Variants in TYW1B observed in about 807,000 individuals in gnomAD.
The protein encoded by TYW1B is tRNA-yW synthesizing protein 1 homolog B.
A neutral mutation model predicts 86.9 loss-of-function variants in TYW1B; 73 were observed. The ratio of observed to expected loss-of-function variants is 0.84; its 90% CI spans 0.70 to 1.02. The LOEUF (loss-of-function observed/expected upper bound fraction) is 1.02. Among genes scored for constraint, TYW1B ranks in the 50% least tolerant of loss-of-function variants. TYW1B has a pLI of 0.00. For synonymous variants in TYW1B, 248 were observed against 292.8 expected (o/e 0.85, Z 1.56); for missense variants, 637 against 827.4 (o/e 0.77, Z 2.82).
At chr7:72,578,022 C>A (rs1811065669) in intron 13 of TYW1B, among the ~76,000 whole-genome samples, 1 of 152,178 alleles carries the variant, frequency 6.6e-6, no homozygotes, top group Admixed American at 6.5e-5. Flanking sequence ...CTGCATTCCA[C>A]CCCACCAAGC....
intron 6 of TYW1B, among the ~76,000 whole-genome samples, chr7:72,794,784 T>C (rs1788278303): frequency 6.6e-6 from 1 of 151,050 alleles, no homozygotes; most frequent in African/African-American, 2.4e-5. Context: ...AAGACCTCTA[T>C]GACAGCAGTG....
chr7:72,721,730 C>G (rs2129570879), intron 9 of TYW1B, among the ~76,000 whole-genome samples: 2 of 152,220 alleles, frequency 1.3e-5, no homozygotes, highest in Middle Eastern at 6.8e-3. Flanking sequence ...CAACTAAACT[C>G]TGCTTTGTTA....
chr7:72,652,610 T>A (rs1813091689), intron 11 of TYW1B, among the ~76,000 whole-genome samples: 1 of 152,112 alleles, frequency 6.6e-6, no homozygotes, highest in South Asian at 2.1e-4. Context: ...TTTGGAGTGC[T>A]AGTTATACTG....
chr7:72,612,288 CA>C (rs1228989819), intron 13 of TYW1B, among the ~76,000 whole-genome samples: 5 of 151,784 alleles, frequency 3.3e-5, no homozygotes, highest in African/African-American at 1.2e-4. Context: ...CCCACTGGGA[CA>C]AAAAGTAGAA....
chr7:72,727,400 A>T (rs1478433619), intron 9 of TYW1B, among the ~76,000 whole-genome samples: 1 of 152,234 alleles, frequency 6.6e-6, no homozygotes, highest in African/African-American at 2.4e-5. Context: ...TACAGATTCA[A>T]CAGGGAACCT....
chr7:72,715,923 T>TTTTG lies in TYW1B; in HGVS notation c.1193-2129_1193-2126dup, dbSNP rs1233951756. ...CTCCGACTCCTATTGGACATCTTTGTTTTGTTTGTTTGTTTGTTTGTTTTT... is the reference window on the plus strand; with the variant it reads ...CTCCGACTCCTATTGGACATCTTTGTTTTGTTTGTTTGTTTGTTTGTTTGTTTTT... On this transcript the variant is annotated intron_variant, in intron 9 of 13. Coordinates refer to ENST00000620995, the MANE Select transcript of TYW1B (RefSeq NM_001145440.3). Among the ~76,000 whole-genome samples, 49 of 152,010 alleles carry TTTTG rather than the reference T, an allele frequency of 3.2e-4. 1 individual carries two copies. The South Asian group carries it at 7.7e-3, about 24-fold the overall frequency.
chr7:72,722,036 C>T (rs1420722149), intron 9 of TYW1B, among the ~76,000 whole-genome samples: 1 of 152,206 alleles, frequency 6.6e-6, no homozygotes, highest in Non-Finnish European at 1.5e-5. Flanking sequence ...CATAACAATG[C>T]AGTTCCGGGC....
At chr7:72,697,234 T>C (rs1374442332) in intron 10 of TYW1B, among the ~76,000 whole-genome samples, 1 of 151,988 alleles carries the variant, frequency 6.6e-6, no homozygotes, top group African/African-American at 2.4e-5. Flanking sequence ...CAAACCTCTA[T>C]CATTTACAAA....
rs143105610 is a variant in TYW1B at position 72,755,776 on chromosome 7, T to C, written c.965-11175A>G. 3.3e-5 allele frequency among the ~76,000 whole-genome samples: 5 copies of C among 152,196 alleles called. No homozygotes were observed. In the South Asian group the frequency reaches 8.3e-4, roughly 25 times the overall value. On this transcript the variant is annotated intron_variant, in intron 7 of 13. Transcript: ENST00000620995. ...GAGTTTCTCAAATATCCACAAATAA[T>C]AGCAACAGGCCTGTGGAGCAGATTG... is the stretch of plus-strand genomic sequence containing the variant.
chr7:72,724,023 G>T (rs1786953954), intron 9 of TYW1B, among the ~76,000 whole-genome samples: 1 of 149,226 alleles, frequency 6.7e-6, no homozygotes, highest in South Asian at 2.1e-4. Flanking sequence ...TAATTTTACA[G>T]CAAGATTTAC....
intron 7 of TYW1B, among the ~76,000 whole-genome samples, chr7:72,757,173 G>A (rs1215311954): frequency 2.0e-5 from 3 of 152,080 alleles, no homozygotes; most frequent in Non-Finnish European, 4.4e-5. Context: ...TTCGAGACCA[G>A]CCTGACCAAC....
At chr7:72,797,312 T>C (rs1788321574) in intron 6 of TYW1B, among the ~76,000 whole-genome samples, 1 of 152,154 alleles carries the variant, frequency 6.6e-6, no homozygotes, top group African/African-American at 2.4e-5. Flanking sequence ...TTTAACCCAA[T>C]AGTGCTTGCA....
At chr7:72,650,893 G>A (rs1254711531) in intron 11 of TYW1B, among the ~76,000 whole-genome samples, 1 of 152,198 alleles carries the variant, frequency 6.6e-6, no homozygotes, top group Non-Finnish European at 1.5e-5. Flanking sequence ...GCTTCATAAA[G>A]ATGGCAACTT....
intron 11 of TYW1B, among the ~76,000 whole-genome samples, chr7:72,678,619 C>CTTTTTTTTTTT (rs56738372): frequency 9.1e-6 from 1 of 110,430 alleles, no homozygotes; most frequent in Admixed American, 1.1e-4. Context: ...AATTCCAGCA[C>CTTTTTTTTTTT]TTTTTTTTTT....
intron 6 of TYW1B, among the ~76,000 whole-genome samples, chr7:72,784,315 C>T (rs1554472092): frequency 6.6e-6 from 1 of 152,206 alleles, no homozygotes; most frequent in Non-Finnish European, 1.5e-5. Context: ...GTGACACAGA[C>T]AGATGGAGTC....
At chr7:72,827,985 G>A (rs1788970652) in intron 1 of TYW1B, 87 bp downstream of exon 1, 5 of 1,591,184 alleles carry the variant, frequency 3.1e-6, no homozygotes, top group Admixed American at 1.8e-5. Flanking sequence ...GAAGGGGACC[G>A]AGGACGCCAC....
chr7:72,822,036 AG>A (rs1328252761), intron 2 of TYW1B, among the ~76,000 whole-genome samples: 1 of 151,836 alleles, frequency 6.6e-6, no homozygotes, highest in African/African-American at 2.4e-5. Context: ...ACTTGAGGCT[AG>A]GAGTTTGAGA....
At chr7:72,583,137 T>A (rs1290953717) in intron 13 of TYW1B, among the ~76,000 whole-genome samples, 1 of 151,870 alleles carries the variant, frequency 6.6e-6, no homozygotes, top group Non-Finnish European at 1.5e-5. Context: ...CCAAGGTGGG[T>A]GGATCATTTG....
intron 11 of TYW1B, among the ~76,000 whole-genome samples, chr7:72,670,121 T>C (rs1813562847): frequency 6.6e-6 from 1 of 152,108 alleles, no homozygotes; most frequent in Non-Finnish European, 1.5e-5. Context: ...ACAGAATGAA[T>C]CCCTGTCTCT....
Sources: gnomAD v4.1 joint callset for allele counts (sites outside exome capture counted in the v4.1 genomes callset) on GRCh38, gnomAD v4.1.1 for gene constraint, MANE v1.5 for transcripts, NCBI Gene and HGNC (gene_info 2026-07-23, HGNC 2026-07-21) for gene names.